Variants in CHD6 observed in about 807,000 individuals in gnomAD.
CHD6 encodes the protein chromodomain helicase DNA binding protein 6.
CHD6 carries 50 observed loss-of-function variants against 276.9 expected under a neutral mutation model. The observed-to-expected ratio is 0.18, with a 90% CI of 0.14 to 0.23. The LOEUF is 0.23. Ranked by LOEUF, CHD6 falls within the 10% of genes least tolerant of loss-of-function variation. The probability of loss-of-function intolerance (pLI) is 1.00; values close to 1 mark genes in which losing one functional copy is unlikely to be tolerated. For synonymous variants in CHD6, 1,173 were observed against 1,229.3 expected, an observed-to-expected ratio of 0.95 and a Z score of 0.96; for missense variants, 2,564 against 3,365.8, an observed-to-expected ratio of 0.76 and a Z score of 5.89.
At chr20:41,462,549 T>C (rs1284850462) in intron 17 of CHD6, among the ~76,000 whole-genome samples, 1 of 152,090 alleles carries the variant, frequency 6.6e-6, no homozygotes, top group Non-Finnish European at 1.5e-5. Context: ...ATACCGGGGG[T>C]AGCAGGAGTA....
chr20:41,412,011 C>T, intron 36 of CHD6, 133 bp downstream of exon 36: 1 of 1,298,228 alleles, frequency 7.7e-7, no homozygotes, highest in Non-Finnish European at 1.1e-6. Flanking sequence ...ACTTCCTGTG[C>T]TGGCTTCTAG....
chr20:41,578,516 T>C (rs748159168), intron 1 of CHD6, among the ~76,000 whole-genome samples: 2 of 151,932 alleles, frequency 1.3e-5, no homozygotes, highest in Non-Finnish European at 2.9e-5. Flanking sequence ...CCAAGGAATG[T>C]TAAGTTCAAA....
chr20:41,417,098 T>A, intron 32 of CHD6, 100 bp downstream of exon 32: 1 of 1,109,636 alleles, frequency 9.0e-7, no homozygotes. Context: ...TAAACATTTC[T>A]GAGTTTCTTG....
At chr20:41,613,437 T>C (rs1036902524) in intron 1 of CHD6, among the ~76,000 whole-genome samples, 1 of 152,196 alleles carries the variant, frequency 6.6e-6, no homozygotes, top group South Asian at 2.1e-4. Context: ...AGAGCCTCCA[T>C]GTCTCCCACT....
chr20:41,567,606 TG>T (rs1416256325), intron 1 of CHD6, among the ~76,000 whole-genome samples: 2 of 148,762 alleles, frequency 1.3e-5, no homozygotes, highest in African/African-American at 5.0e-5. Context: ...CAGGTACTGA[TG>T]AAAAAAAAAA....
chr20:41,469,148 T>TCTGGACTCCCAA (rs981520813), intron 17 of CHD6, among the ~76,000 whole-genome samples: 1 of 152,156 alleles, frequency 6.6e-6, no homozygotes, highest in Non-Finnish European at 1.5e-5. Flanking sequence ...GTCTCCTCAC[T>TCTGGACTCCCAA]CTGGACTCCC....
chr20:41,566,864 T>C (rs933805624), intron 1 of CHD6, among the ~76,000 whole-genome samples: 1 of 152,198 alleles, frequency 6.6e-6, no homozygotes, highest in Non-Finnish European at 1.5e-5. Flanking sequence ...GTCATCCCTA[T>C]AATCCTGTGT....
intron 27 of CHD6, among the ~76,000 whole-genome samples, chr20:41,426,360 T>C (rs1051141631): frequency 1.3e-5 from 2 of 152,220 alleles, no homozygotes; most frequent in African/African-American, 4.8e-5. Context: ...AAGTTTTTTT[T>C]TTCTTTTCCT....
intron 1 of CHD6, among the ~76,000 whole-genome samples, chr20:41,609,862 T>C (rs967776918): frequency 6.0e-5 from 8 of 132,990 alleles, no homozygotes; most frequent in East Asian, 1.9e-4. Context: ...TTTCTTTTTT[T>C]TTTTTTTTTT....
Position 41,420,845 on chromosome 20 carries a change from G to C in CHD6, c.5790C>G (p.Phe1930Leu), listed in dbSNP as rs575688423. ...GGCACTGACAGGCTGCTGGAGCGGG[G>C]AAAGCCCTCTGTAGCCCAGGAGTCT... ...ANQTPGLQRA[F>L]PAPAACQCHC... The change falls in exon 31 of 37, where the codon TTC becomes TTG. Residue 1930 changes from phenylalanine (F) to leucine (L), a missense_variant. Coordinates refer to ENST00000373233, the MANE Select transcript of CHD6 (RefSeq NM_032221.5). The C allele has an allele frequency of 1.9e-6, 3 of 1,614,204 alleles. No individual in the cohort carries two copies. The South Asian group carries it at 3.3e-5, about 18-fold the overall frequency.
chr20:41,423,844 GT>G, intron 29 of CHD6, 144 bp from the exon 30 acceptor site: 5 of 646,218 alleles, frequency 7.7e-6, no homozygotes, highest in Non-Finnish European at 1.1e-5. Flanking sequence ...TTTTATTTAA[GT>G]TAAACTGGGC....
At chr20:41,498,282 G>T in intron 6 of CHD6, 56 bp from the exon 7 acceptor site, 2 of 1,244,700 alleles carry the variant, frequency 1.6e-6, no homozygotes, top group Non-Finnish European at 2.3e-6. Flanking sequence ...CACCCTTACT[G>T]AGCCAAAAGA....
chr20:41,469,954 G>C (rs746810828), intron 17 of CHD6, among the ~76,000 whole-genome samples: 2 of 152,198 alleles, frequency 1.3e-5, no homozygotes, highest in African/African-American at 4.8e-5. Context: ...AGCAAGAGGA[G>C]GACAGGAGGA....
At chr20:41,587,829 C>A (rs73613218) in intron 1 of CHD6, among the ~76,000 whole-genome samples, 3,364 of 124,190 alleles carry the variant, frequency 0.027, 47 homozygotes, top group South Asian at 0.046. Flanking sequence ...GAAAAACAAA[C>A]CAAAAAAAAC....
chr20:41,580,791 A>G (rs2903378), intron 1 of CHD6, among the ~76,000 whole-genome samples: 41,854 of 152,020 alleles, frequency 0.28, 6,843 homozygotes, highest in East Asian at 0.49. Context: ...TTAACATACA[A>G]TTCAAAATAA....
chr20:41,499,325 C>G lies in CHD6; in HGVS notation c.885G>C (p.Glu295Asp). The G allele has an allele frequency of 6.2e-7, 1 of 1,607,322 alleles. No homozygotes were observed. The highest frequency in any genetic ancestry group is 8.5e-7 in the Non-Finnish European group (1 of 1,176,706). The change falls in exon 6 of 37, where the codon GAG becomes GAC. Residue 295 changes from glutamate to aspartate, a missense_variant. This residue lies in a region of CHD6 where 457 missense variants were observed against 889.0 expected (regional missense o/e 0.51). Coordinates refer to ENST00000373233, the MANE Select transcript of CHD6 (RefSeq NM_032221.5). ...EPPEDDANII[E>D]KILASKTVQE... ...GGACAGTCTTAGATGCCAGGATCTT[C>G]TCAATGATGTTTGCATCATCTTCTG...
intron 3 of CHD6, among the ~76,000 whole-genome samples, chr20:41,525,006 A>C (rs2146027296): frequency 6.6e-6 from 1 of 152,166 alleles, no homozygotes; most frequent in East Asian, 1.9e-4. Context: ...TGGGGTCTTC[A>C]GTAGACTGAT....
rs1330200988 is a variant in CHD6, at chr20:41,439,983, C to T, written c.4007+17G>A. On this transcript the variant is annotated intron_variant, in intron 26 of 36. Coordinates refer to ENST00000373233, the MANE Select transcript of CHD6 (RefSeq NM_032221.5). ...GCATGGCATGTCACATGAGGGCTGG[C>T]CTACGTGGCTTCTCACCTTTCAGGA... 1.2e-6 allele frequency: 2 copies of T among 1,612,982 alleles called. No homozygotes were observed. The highest frequency in any genetic ancestry group is 2.2e-5 in the East Asian group (1 of 44,856).
At chr20:41,509,934 C>T (rs145286315) in intron 5 of CHD6, among the ~76,000 whole-genome samples, 425 of 152,288 alleles carry the variant, frequency 2.8e-3, no homozygotes, top group Non-Finnish European at 4.8e-3. Context: ...GATGTTTTCG[C>T]AACTCACCAC....
Sources: allele counts gnomAD v4.1 joint callset (sites outside exome capture counted in the v4.1 genomes callset), GRCh38; gene constraint gnomAD v4.1.1; regional missense constraint gnomAD v4.1.1; transcripts MANE v1.5; gene names NCBI Gene and HGNC (gene_info 2026-07-23, HGNC 2026-07-21).